The following KCNJ6 variants were observed in gnomAD, a reference collection of about 807,000 sequenced individuals.
The protein encoded by KCNJ6 is potassium inwardly rectifying channel subfamily J member 6, also known as G protein-activated inward rectifier potassium channel 2.
A neutral mutation model predicts 34.2 loss-of-function variants in KCNJ6; 9 were observed. The observed-to-expected ratio is 0.26, with a 90% CI of 0.16 to 0.46. The LOEUF (loss-of-function observed/expected upper bound fraction) is 0.46, where lower values mean the gene tolerates loss of function less well. Ranked by LOEUF, KCNJ6 falls within the 20% of genes least tolerant of loss-of-function variation. KCNJ6 has a pLI of 1.00. For missense variants in KCNJ6, 236 were observed against 531.3 expected, an observed-to-expected ratio of 0.44 and a Z score of 5.46; for synonymous variants, 196 against 207.1, an observed-to-expected ratio of 0.95 and a Z score of 0.46.
At chr21:37,864,494 C>T (rs1314531959) in intron 1 of KCNJ6, among the ~76,000 whole-genome samples, 2 of 152,148 alleles carry the variant, frequency 1.3e-5, no homozygotes, top group Non-Finnish European at 2.9e-5. Context: ...GTTTAATACA[C>T]CGCAAAAACA....
chr21:37,712,954 T>G (rs538999801), intron 3 of KCNJ6, among the ~76,000 whole-genome samples: 2 of 152,220 alleles, frequency 1.3e-5, no homozygotes, highest in South Asian at 4.1e-4. Flanking sequence ...TAGGTTCCTG[T>G]GCCTTTTGTT....
At chr21:37,783,166 G>T (rs187308481) in intron 2 of KCNJ6, among the ~76,000 whole-genome samples, 1 of 152,140 alleles carries the variant, frequency 6.6e-6, no homozygotes, top group Non-Finnish European at 1.5e-5. Flanking sequence ...TTCACCCAGC[G>T]ATGCTTTCAC....
chr21:37,796,150 C>T (rs1193867158), intron 2 of KCNJ6, among the ~76,000 whole-genome samples: 2 of 152,132 alleles, frequency 1.3e-5, no homozygotes, highest in Non-Finnish European at 1.5e-5. Context: ...GCATCCAGCG[C>T]TTTCTCCCTG....
chr21:37,878,500 C>T (rs1443632136), intron 1 of KCNJ6, among the ~76,000 whole-genome samples: 1 of 152,232 alleles, frequency 6.6e-6, no homozygotes, highest in African/African-American at 2.4e-5. Flanking sequence ...CCTGCCCTTC[C>T]AGCAGGCTTG....
At chr21:37,869,799 C>T (rs2055641141) in intron 1 of KCNJ6, among the ~76,000 whole-genome samples, 1 of 152,246 alleles carries the variant, frequency 6.6e-6, no homozygotes. Context: ...ACCTACTCAT[C>T]CCCTACCACT....
chr21:37,762,399 C>G (rs931505261), intron 2 of KCNJ6, among the ~76,000 whole-genome samples: 11 of 152,006 alleles, frequency 7.2e-5, no homozygotes, highest in African/African-American at 2.4e-4. Context: ...GCTTCCTGCT[C>G]GTCATTAGAA....
chr21:37,870,587 A>ATTT (rs201091934), intron 1 of KCNJ6, among the ~76,000 whole-genome samples: 64,310 of 147,280 alleles, frequency 0.44, 14,773 homozygotes, highest in Admixed American at 0.58. Context: ...AACAATTCAA[A>ATTT]ATTTTGTTTT....
intron 3 of KCNJ6, among the ~76,000 whole-genome samples, chr21:37,661,429 A>T (rs1334199428): frequency 6.6e-6 from 1 of 152,196 alleles, no homozygotes; most frequent in Admixed American, 6.5e-5. Flanking sequence ...GATGTGCTAC[A>T]TCAATACTCA....
intron 2 of KCNJ6, among the ~76,000 whole-genome samples, chr21:37,771,724 C>T (rs2835950): frequency 0.26 from 39,915 of 152,024 alleles, 5,402 homozygotes; most frequent in Middle Eastern, 0.31. Context: ...CACCTAATTT[C>T]TAGTGAATGA....
intron 3 of KCNJ6, among the ~76,000 whole-genome samples, chr21:37,655,178 TTTGTGTGTGTGTG>T (rs1237152654): frequency 5.8e-4 from 45 of 78,138 alleles, no homozygotes; most frequent in Middle Eastern, 0.011. Context: ...ACTCTAGACA[TTTGTGTGTGTGTG>T]TGTGTGTGTG....
intron 2 of KCNJ6, among the ~76,000 whole-genome samples, chr21:37,812,136 T>C (rs2211844): frequency 0.32 from 49,375 of 152,096 alleles, 9,191 homozygotes; most frequent in South Asian, 0.4. Context: ...TTATTAATTA[T>C]AAATAAAAAT....
chr21:37,895,955 A>G (rs528772091), intron 1 of KCNJ6, among the ~76,000 whole-genome samples: 1 of 152,318 alleles, frequency 6.6e-6, no homozygotes, highest in East Asian at 1.9e-4. Context: ...GACTGCTATA[A>G]AGAAATGCCT....
At chr21:37,895,095 A>G (rs1228698931) in intron 1 of KCNJ6, among the ~76,000 whole-genome samples, 1 of 152,192 alleles carries the variant, frequency 6.6e-6, no homozygotes, top group Admixed American at 6.5e-5. Context: ...TTTTCTAACT[A>G]AAATGACATA....
At chr21:37,673,221 A>T (rs1023351402) in intron 3 of KCNJ6, among the ~76,000 whole-genome samples, 6 of 152,250 alleles carry the variant, frequency 3.9e-5, no homozygotes, top group African/African-American at 1.4e-4. Context: ...GACCTGAACC[A>T]TCTCTAGGGC....
intron 1 of KCNJ6, among the ~76,000 whole-genome samples, chr21:37,892,671 G>A (rs1047944131): frequency 3.9e-5 from 6 of 152,100 alleles, no homozygotes; most frequent in African/African-American, 1.4e-4. Flanking sequence ...AGGCAAGTTG[G>A]GAAAAGGGGT....
chr21:37,625,737 A>G (rs1023091774), intron 3 of KCNJ6, among the ~76,000 whole-genome samples: 4 of 152,246 alleles, frequency 2.6e-5, no homozygotes, highest in Non-Finnish European at 2.9e-5. Context: ...CTGCATGGCC[A>G]TGCACATGCA....
At chr21:37,708,141 C>G (rs2054731063) in intron 3 of KCNJ6, among the ~76,000 whole-genome samples, 1 of 152,218 alleles carries the variant, frequency 6.6e-6, no homozygotes, top group South Asian at 2.1e-4. Context: ...GAACAATGAA[C>G]AATTTTTGCC....
rs558815242 is a variant in KCNJ6 at position 37,900,094 on chromosome 21, A to G, written c.-28+15790T>C. On this transcript the variant is annotated intron_variant, in intron 1 of 3. Transcript: ENST00000609713. Reference sequence around the variant, plus strand: ...AGGAAATGTTAGAATGTAAATAGGCACAGCCTTTTTGAAGGGCAATTTAGT... The same window carrying G: ...AGGAAATGTTAGAATGTAAATAGGCGCAGCCTTTTTGAAGGGCAATTTAGT... Among the ~76,000 whole-genome samples, 6 of 152,322 alleles carry G rather than the reference A, an allele frequency of 3.9e-5. No homozygotes were observed. The East Asian group carries it at 7.7e-4, about 20-fold the overall frequency.
At chr21:37,759,347 C>T (rs534346355) in intron 2 of KCNJ6, among the ~76,000 whole-genome samples, 2 of 152,300 alleles carry the variant, frequency 1.3e-5, no homozygotes, top group Admixed American at 1.3e-4. Flanking sequence ...CACTGAACGG[C>T]AGAATGTTTG....
Sources: allele counts gnomAD v4.1 joint callset (sites outside exome capture counted in the v4.1 genomes callset), GRCh38; gene constraint gnomAD v4.1.1; transcripts MANE v1.5; gene names NCBI Gene and HGNC (gene_info 2026-07-23, HGNC 2026-07-21).